The following VWCE variants were observed in gnomAD, a reference collection of about 807,000 sequenced individuals.
VWCE encodes the protein von Willebrand factor C and EGF domains.
In VWCE, 68 loss-of-function variants were observed where a neutral mutation model predicts 102.9. The ratio of observed to expected loss-of-function variants is 0.66; its 90% CI spans 0.54 to 0.81. The LOEUF is 0.81. Among genes scored for constraint, VWCE ranks in the 30% least tolerant of loss-of-function variants. VWCE has a pLI of 0.00. For missense variants in VWCE, 1,137 were observed against 1,263.6 expected (o/e 0.90, Z 1.52); for synonymous variants, 497 against 515.4 (o/e 0.96, Z 0.48).
At position 61,258,525 on chromosome 11, in the gene VWCE, C is replaced by T. The variant is rs1854250498; in HGVS notation, c.*150G>A. ...ACACTTCTTGGGAACAAGGTTACATCCAGCCTTGGGGGTCTTCCATCCTCA... is the reference window on the plus strand; with the variant it reads ...ACACTTCTTGGGAACAAGGTTACATTCAGCCTTGGGGGTCTTCCATCCTCA... On this transcript the variant is annotated 3_prime_UTR_variant, in exon 20 of 20. Transcript: ENST00000335613. The T allele has an allele frequency of 5.3e-6, 4 of 753,380 alleles. No homozygotes were observed. The highest frequency in any genetic ancestry group is 7.3e-6 in the Non-Finnish European group (4 of 547,958). The allele number at this position is 753,380 out of a possible 1,614,324, so 46.7% of individuals were successfully genotyped here. A position where few individuals can be genotyped will look rare whatever the true frequency, so the allele number is the denominator to read the frequency against.
intron 19 of VWCE, among the ~76,000 whole-genome samples, chr11:61,261,005 A>C (rs1034786488): frequency 2.0e-5 from 3 of 152,096 alleles, no homozygotes; most frequent in Non-Finnish European, 4.4e-5. Context: ...TGGACAGATC[A>C]CTTGAGGTCA....
At chr11:61,266,233 T>C (rs557074027) in intron 16 of VWCE, among the ~76,000 whole-genome samples, 1 of 152,132 alleles carries the variant, frequency 6.6e-6, no homozygotes, top group East Asian at 1.9e-4. Flanking sequence ...GCTACATTTT[T>C]AAAAAAGCTA....
At chr11:61,262,959 G>C (rs1344871066) in intron 19 of VWCE, among the ~76,000 whole-genome samples, 1 of 152,190 alleles carries the variant, frequency 6.6e-6, no homozygotes, top group African/African-American at 2.4e-5. Context: ...TCCATCAATA[G>C]TACTTCATTG....
At position 61,267,561 on chromosome 11, in the gene VWCE, G is replaced by T; in HGVS notation, c.1883-17C>A. 3.1e-6 allele frequency: 5 copies of T among 1,613,562 alleles called. No homozygotes were observed. The highest frequency in any genetic ancestry group is 4.2e-6 in the Non-Finnish European group (5 of 1,179,538). On this transcript the variant is annotated splice_polypyrimidine_tract_variant and intron_variant, in intron 15 of 19. Coordinates refer to ENST00000335613, the MANE Select transcript of VWCE (RefSeq NM_152718.2). Reference sequence around the variant, plus strand: ...AGGTGCAGCCTGCCAGAGAGAGCATGCGCTGAGCACCAGCTGGGAGTGGCC... The same window carrying T: ...AGGTGCAGCCTGCCAGAGAGAGCATTCGCTGAGCACCAGCTGGGAGTGGCC...
In VWCE at chr11:61,267,529, C is replaced by T. The variant is rs1318735675; in HGVS notation, c.1898G>A (p.Gly633Asp). Reference sequence around the variant, plus strand: ...GGTCTCGTTGTTATAGAAGATTCTGCCTGTGTAGGTGCAGCCTGCCAGAGA... The same window carrying T: ...GGTCTCGTTGTTATAGAAGATTCTGTCTGTGTAGGTGCAGCCTGCCAGAGA... ...PDCSAGCTYT[G>D]RIFYNNETFP... Residue 633 changes from glycine (G) to aspartate (D), a missense_variant, in exon 16 of 20, where the codon GGC (glycine) becomes GAC (aspartate). This residue lies in a region of VWCE where 212 missense variants were observed against 235.1 expected (regional missense o/e 0.90). Coordinates refer to ENST00000335613, the MANE Select transcript of VWCE (RefSeq NM_152718.2). 1.9e-6 allele frequency: 3 copies of T among 1,613,958 alleles called. No homozygotes were observed. The highest frequency in any genetic ancestry group is 1.1e-5 in the South Asian group (1 of 91,082).
intron 11 of VWCE, among the ~76,000 whole-genome samples, chr11:61,274,981 T>C (rs1462412529): frequency 6.6e-6 from 1 of 152,022 alleles, no homozygotes; most frequent in African/African-American, 2.4e-5. Context: ...GAGGATGGCT[T>C]GAAACCAGGG....
intron 13 of VWCE, among the ~76,000 whole-genome samples, 180 bp from the exon 14 acceptor site, chr11:61,271,940 C>T (rs1004150387): frequency 6.6e-6 from 1 of 152,082 alleles, no homozygotes; most frequent in African/African-American, 2.4e-5. Flanking sequence ...CACAGATACA[C>T]ATACACTCAT....
chr11:61,273,082 A>G (rs1205961939), intron 13 of VWCE, 117 bp downstream of exon 13: 1 of 1,002,142 alleles, frequency 1.0e-6, no homozygotes, highest in Non-Finnish European at 1.6e-6. Flanking sequence ...GCACACAAAG[A>G]CACATGTACA....
At chr11:61,286,470 G>T in intron 4 of VWCE, 40 bp from the exon 5 acceptor site, 1 of 1,560,970 alleles carries the variant, frequency 6.4e-7, no homozygotes, top group African/African-American at 1.3e-5. Context: ...AGTGGTCCTC[G>T]CAAGAGGAAC....
At chr11:61,263,941 G>A (rs528984109) in intron 19 of VWCE, among the ~76,000 whole-genome samples, 29 of 152,218 alleles carry the variant, frequency 1.9e-4, no homozygotes, top group Admixed American at 1.7e-3. Flanking sequence ...AAAAGGGAGT[G>A]CAGGCCGGGC....
chr11:61,289,273 A>G (rs560526526), intron 4 of VWCE, among the ~76,000 whole-genome samples: 1 of 151,592 alleles, frequency 6.6e-6, no homozygotes, highest in South Asian at 2.1e-4. Context: ...TGTTTTTTTG[A>G]GACAGTCTTG....
chr11:61,293,199 C>T (rs1855565783), intron 1 of VWCE, among the ~76,000 whole-genome samples: 1 of 144,808 alleles, frequency 6.9e-6, no homozygotes, highest in Non-Finnish European at 1.5e-5. Context: ...TGAGATCACG[C>T]CACTGCACTC....
Position 61,258,704 on chromosome 11 carries a change from C to T in VWCE, c.2839G>A (p.Ala947Thr). Residue 947 changes from alanine to threonine, a missense_variant, in exon 20 of 20, where the codon GCT becomes ACT. Ala to Thr is a moderately conservative substitution (Grantham distance 58). Coordinates refer to ENST00000335613, the MANE Select transcript of VWCE (RefSeq NM_152718.2). ...ATGGTGGACTCTTCCCCCCGAGAAG[C>T]CCCCACTGGGGGCTGCTGGGGGCCA... is the stretch of plus-strand genomic sequence containing the variant. Reference protein sequence around the residue: ...HPGPQQPPVGASRGEESTM With the variant: ...HPGPQQPPVGTSRGEESTM 1.2e-5 allele frequency: 17 copies of T among 1,392,406 alleles called. No homozygotes were observed. The highest frequency in any genetic ancestry group is 1.6e-5 in the Non-Finnish European group (17 of 1,069,704). The allele number at this position is 1,392,406 out of a possible 1,614,324, so 86.3% of individuals were successfully genotyped here.
At chr11:61,267,669 ACCC>A in intron 15 of VWCE, 125 bp from the exon 16 acceptor site, 1 of 806,942 alleles carries the variant, frequency 1.2e-6, no homozygotes, top group Non-Finnish European at 2.0e-6. Flanking sequence ...CCAGGCAGTC[ACCC>A]TGGGAGTTAG....
chr11:61,286,671 C>T (rs1257633630), intron 4 of VWCE, among the ~76,000 whole-genome samples: 1 of 152,120 alleles, frequency 6.6e-6, no homozygotes, highest in Non-Finnish European at 1.5e-5. Flanking sequence ...CATGGTGGTG[C>T]ATGCCTGTAA....
intron 6 of VWCE, among the ~76,000 whole-genome samples, chr11:61,282,149 T>C (rs2134820476): frequency 6.6e-6 from 1 of 152,304 alleles, no homozygotes; most frequent in South Asian, 2.1e-4. Flanking sequence ...TATCAGAGAC[T>C]CAGCCCCAGC....
At chr11:61,271,424 C>G in intron 14 of VWCE, 1 of 381,226 alleles carries the variant, frequency 2.6e-6, no homozygotes. Flanking sequence ...GGATTACAGG[C>G]GTGAGCCACC....
Position 61,294,930 on chromosome 11 carries a change from C to A in VWCE, c.108G>T (p.Glu36Asp). 1 of 1,424,614 alleles carries A rather than the reference C, an allele frequency of 7.0e-7. No individual in the cohort carries two copies. The highest frequency in any genetic ancestry group is 1.4e-5 in the South Asian group (1 of 71,820). 88.2% of individuals were successfully genotyped at this position (1,424,614 alleles called of 1,614,324 possible). A position where few individuals can be genotyped will look rare whatever the true frequency, so the allele number is the denominator to read the frequency against. Residue 36 changes from glutamate (E) to aspartate (D), a missense_variant and splice_region_variant, in exon 1 of 20, where the codon GAG (glutamate) becomes GAT (aspartate). This residue lies in a region of VWCE where 575 missense variants were observed against 625.9 expected (regional missense o/e 0.92). Transcript: ENST00000335613. This position sits in a 1 kb window ranked among gnomAD's most constrained non-coding sequence, Gnocchi z 6.3. ...GGGGAGGAGCTCCGGGCGCTTACCT[C>A]TCGGCCGCGAAGTGCCCGGGCGGCT... ...GRKPPGHFAA[E>D]RRRLGPHVCL...
chr11:61,264,532 C>T lies in VWCE; in HGVS notation c.2185G>A (p.Ala729Thr), dbSNP rs1163603401. 5.6e-6 allele frequency: 9 copies of T among 1,613,268 alleles called. No homozygotes were observed. The highest frequency in any genetic ancestry group is 7.6e-6 in the Non-Finnish European group (9 of 1,179,740). Residue 729 changes from alanine (A) to threonine (T), a missense_variant, in exon 19 of 20, where the codon GCC becomes ACC. Physicochemically the swap from Ala to Thr is moderately conservative, Grantham distance 58. This residue lies in a region of VWCE where 316 missense variants were observed against 319.3 expected (regional missense o/e 0.99). Transcript: ENST00000335613. ...TCCCCAGGAAGCAGGGCAGGGTCGG[C>T]ACAGGCCCGCTGGCAGGGAACCTTC... is the stretch of plus-strand genomic sequence containing the variant. ...CEKVPCQRAC[A>T]DPALLPGDCC...
Sources: gnomAD v4.1 joint callset for allele counts (sites outside exome capture counted in the v4.1 genomes callset) on GRCh38, gnomAD v4.1.1 for gene constraint, gnomAD v4.1.1 regional missense constraint, Gnocchi (gnomAD v3.1) non-coding constraint, MANE v1.5 for transcripts, NCBI Gene and HGNC (gene_info 2026-07-23, HGNC 2026-07-21) for gene names.